The following HEXB variants were observed in gnomAD, a reference collection of about 807,000 sequenced individuals.
The protein encoded by HEXB is hexosaminidase subunit beta, also known as beta-hexosaminidase subunit beta.
Under a neutral mutation model 71.2 loss-of-function variants are expected in HEXB, and 51 were observed. The observed-to-expected ratio is 0.72, with a 90% CI of 0.57 to 0.90. The LOEUF is 0.90. Ranked by LOEUF, HEXB falls within the 40% of genes least tolerant of loss-of-function variation. HEXB has a pLI of 0.00. For missense variants in HEXB, 617 were observed against 677.0 expected (o/e 0.91, Z 0.98); for synonymous variants, 266 against 249.3 (o/e 1.07, Z -0.63).
At chr5:74,704,387 AAT>A (rs550712280) in intron 5 of HEXB, among the ~76,000 whole-genome samples, 1 of 152,190 alleles carries the variant, frequency 6.6e-6, no homozygotes, top group Non-Finnish European at 1.5e-5. Flanking sequence ...ATCTTTTAAA[AAT>A]AGTGTTTATA....
upstream of HEXB, among the ~76,000 whole-genome samples, chr5:74,684,559 A>C (rs1313783838): frequency 2.6e-5 from 4 of 152,308 alleles, no homozygotes; most frequent in Admixed American, 1.3e-4. Flanking sequence ...TGGCTTCTCC[A>C]GCTTCACCGA....
At chr5:74,659,496 G>A (rs1748279568) in intron 1 of HEXB, among the ~76,000 whole-genome samples, 2 of 152,108 alleles carry the variant, frequency 1.3e-5, no homozygotes, top group African/African-American at 2.4e-5. Flanking sequence ...GTTATTGCAG[G>A]GTAGTGAAAT....
rs398123446 is a variant in HEXB, at chr5:74,718,795, A to G, written c.1243-2A>G. On this transcript the variant is annotated splice_acceptor_variant, in intron 10 of 13. Transcript: ENST00000261416. LOFTEE classifies it high-confidence loss of function. The stretch of plus-strand genomic sequence containing the variant: ...ATGTATTGCAATTTGTAACGTTAAT[A>G]GCTTGCGCCGGGCACAATAGTTGAA... 17 of 1,614,048 alleles carry G rather than the reference A, an allele frequency of 1.1e-5. No homozygotes were observed. The highest frequency in any genetic ancestry group is 1.4e-5 in the Non-Finnish European group (17 of 1,179,916).
chr5:74,673,342 T>A (rs536694846), intron 1 of HEXB, among the ~76,000 whole-genome samples: 27 of 152,320 alleles, frequency 1.8e-4, no homozygotes, highest in Non-Finnish European at 3.7e-4. Flanking sequence ...TATTTCGGGT[T>A]GCTTATGGAT....
chr5:74,689,392 A>G lies in HEXB; in HGVS notation c.364A>G (p.Thr122Ala). 1.9e-6 allele frequency: 3 copies of G among 1,612,234 alleles called. No individual in the cohort carries two copies. The highest frequency in any genetic ancestry group is 2.5e-6 in the Non-Finnish European group (3 of 1,178,264). The change falls in exon 2 of 14, where the codon ACC becomes GCC. Residue 122 changes from threonine to alanine, a missense_variant. By Grantham distance (58) the Thr-to-Ala change is moderately conservative (BLOSUM62 0). Transcript: ENST00000261416. The stretch of plus-strand genomic sequence containing the variant: ...TGAACCTGCTGAATTCCAGGCTAAA[A>G]CCCAGGTTCAGCAACTTCTTGTCTC... ...HHEPAEFQAK[T>A]QVQQLLVSIT...
At position 74,675,732 on chromosome 5, in the gene HEXB, G is replaced by C. The variant is rs149621302; in HGVS notation, c.-376-13596G>C. On this transcript the variant is annotated intron_variant, in intron 1 of 13. Coordinates refer to the HEXB transcript ENST00000511181. ...CCATTGAAATGTTTTAAGCAAGGAA[G>C]TGATATGACTGACTTTACATTTTAC... 4.1e-3 allele frequency among the ~76,000 whole-genome samples: 626 copies of C among 152,314 alleles called. 5 individuals carry two copies. The highest frequency in any genetic ancestry group is 0.014 in the African/African-American group (581 of 41,572).
chr5:74,643,369 A>G (rs1168687378), intron 1 of HEXB, among the ~76,000 whole-genome samples: 3 of 152,234 alleles, frequency 2.0e-5, no homozygotes, highest in Non-Finnish European at 2.9e-5. Context: ...AGAAACTTCT[A>G]AACAGGGCTG....
At position 74,664,432 on chromosome 5, in the gene HEXB, A is replaced by T. The variant is rs1401441673; in HGVS notation, c.-377+23874A>T. On this transcript the variant is annotated intron_variant, in intron 1 of 13. Coordinates refer to the HEXB transcript ENST00000511181. ...GCAATAGAGCAAGATTCTATCTCTA[A>T]AAAAAAAAAAAAAAAAAAAAACAGA... Among the ~76,000 whole-genome samples the T allele has an allele frequency of 2.2e-4, 15 of 66,748 alleles. No individual in the cohort carries two copies. The South Asian group carries it at 5.0e-3, about 22-fold the overall frequency. The allele number at this position is 66,748 out of a possible 152,430, so 43.8% of individuals were successfully genotyped here.
At position 74,697,050 on chromosome 5, in the gene HEXB, A is replaced by G. The variant is rs763600916; in HGVS notation, c.613A>G (p.Ile205Val). The G allele has an allele frequency of 4.4e-6, 7 of 1,583,898 alleles. No homozygotes were observed. The highest frequency in any genetic ancestry group is 6.1e-6 in the Non-Finnish European group (7 of 1,153,358). Residue 205 changes from isoleucine (I) to valine (V), a missense_variant, in exon 5 of 14, where the codon ATT becomes GTT. Ile to Val is a conservative substitution (Grantham distance 29). Coordinates refer to ENST00000261416, the MANE Select transcript of HEXB (RefSeq NM_000521.4). ...IDSPRFSHRG[I>V]LIDTSRHYLP... ...TTCTCCAAGGTTTTCTCACAGAGGA[A>G]TTTTGATTGATACATCCAGACATTA...
At chr5:74,715,874 G>A (rs1749659850) in intron 8 of HEXB, among the ~76,000 whole-genome samples, 184 bp downstream of exon 8, 1 of 151,766 alleles carries the variant, frequency 6.6e-6, no homozygotes, top group Admixed American at 6.6e-5. Context: ...AAAATTAGCT[G>A]GGCGTGGTGG....
intron 5 of HEXB, among the ~76,000 whole-genome samples, chr5:74,700,394 T>C (rs1353499652): frequency 6.6e-6 from 1 of 152,050 alleles, no homozygotes; most frequent in Non-Finnish European, 1.5e-5. Context: ...TAGTTGTCTA[T>C]AGATTGTGCC....
intron 8 of HEXB, 25 bp downstream of exon 8, chr5:74,715,715 T>TAAAA: frequency 1.4e-6 from 2 of 1,418,722 alleles, no homozygotes; most frequent in Non-Finnish European, 1.9e-6. Flanking sequence ...TAAAACCCCT[T>TAAAA]TAAAAAAAAA....
chr5:74,685,688 T>A, intron 1 of HEXB, 129 bp downstream of exon 1: 1 of 789,810 alleles, frequency 1.3e-6, no homozygotes, highest in Non-Finnish European at 1.9e-6. Context: ...GCAGGCGATC[T>A]GCCCAGCGCC....
chr5:74,720,905 G>A, intron 13 of HEXB, 158 bp downstream of exon 13: 1 of 779,598 alleles, frequency 1.3e-6, no homozygotes, highest in Admixed American at 2.2e-5. Context: ...GATATATTCA[G>A]ACTTGTGACT....
chr5:74,664,772 C>T (rs774203052), intron 1 of HEXB, among the ~76,000 whole-genome samples: 10 of 152,004 alleles, frequency 6.6e-5, no homozygotes, highest in Admixed American at 3.9e-4. Context: ...AGCTCATCGT[C>T]CAAGTTAAGA....
At chr5:74,687,301 C>T (rs565637749) in intron 1 of HEXB, among the ~76,000 whole-genome samples, 9 of 152,258 alleles carry the variant, frequency 5.9e-5, no homozygotes, top group East Asian at 3.9e-4. Flanking sequence ...TCACAAAGTG[C>T]GACGTGGTCA....
upstream of HEXB, among the ~76,000 whole-genome samples, chr5:74,682,528 T>C (rs1748758777): frequency 6.6e-6 from 1 of 152,258 alleles, no homozygotes; most frequent in African/African-American, 2.4e-5. Context: ...TCTTATTATT[T>C]ATCTGTTGTT....
At chr5:74,645,475 C>CT (rs1441135950) in intron 1 of HEXB, among the ~76,000 whole-genome samples, 11 of 152,314 alleles carry the variant, frequency 7.2e-5, no homozygotes, top group Admixed American at 6.5e-5. Flanking sequence ...GTGTGAAAGT[C>CT]TGTCTTTGTC....
At position 74,645,101 on chromosome 5, in the gene HEXB, G is replaced by A. The variant is rs143547815; in HGVS notation, c.-377+4543G>A. On this transcript the variant is annotated intron_variant, in intron 1 of 13. Transcript: ENST00000511181. ...TAGGAGTATTCTTAAGATTGCATCC[G>A]AATTGGTTTGATCATATTTTAACAT... 4.0e-3 allele frequency among the ~76,000 whole-genome samples: 608 copies of A among 152,156 alleles called. 3 individuals are homozygous for A. Among genetic ancestry groups the A allele is most frequent in the African/African-American group, 0.013 (534 of 41,546 alleles).
Sources: gnomAD v4.1 joint callset for allele counts (sites outside exome capture counted in the v4.1 genomes callset) on GRCh38, gnomAD v4.1.1 for gene constraint, MANE v1.5 for transcripts, NCBI Gene and HGNC (gene_info 2026-07-23, HGNC 2026-07-21) for gene names.